Variants in KCNU1 observed in about 807,000 individuals in gnomAD.
The protein encoded by KCNU1 is potassium channel subfamily U member 1.
KCNU1 carries 93 observed loss-of-function variants against 126.8 expected under a neutral mutation model. That is an observed-to-expected ratio of 0.73 (90% CI 0.62 to 0.87). The LOEUF is 0.87. KCNU1 is among the 40% of genes least tolerant of loss of function. The probability of loss-of-function intolerance (pLI) is 0.00; values close to 1 mark genes in which losing one functional copy is unlikely to be tolerated. For synonymous variants in KCNU1, 523 were observed against 494.2 expected, an observed-to-expected ratio of 1.06 and a Z score of -0.77; for missense variants, 1,330 against 1,367.1, an observed-to-expected ratio of 0.97 and a Z score of 0.43.
chr8:36,889,661 A>G (rs1806877052), intron 19 of KCNU1, among the ~76,000 whole-genome samples: 1 of 152,160 alleles, frequency 6.6e-6, no homozygotes, highest in South Asian at 2.1e-4. Context: ...GAATATATGC[A>G]TAACTGGAAT....
intron 19 of KCNU1, among the ~76,000 whole-genome samples, chr8:36,878,816 G>A (rs1806363405): frequency 1.4e-5 from 2 of 147,384 alleles, no homozygotes; most frequent in Non-Finnish European, 3.0e-5. Flanking sequence ...CTAATTGATA[G>A]GATAATGCTG....
intron 1 of KCNU1, among the ~76,000 whole-genome samples, chr8:36,784,857 T>C (rs1223390563): frequency 6.6e-6 from 1 of 152,198 alleles, no homozygotes; most frequent in Admixed American, 6.5e-5. Context: ...TGATTAATGT[T>C]AGCTCTGGAA....
At chr8:36,839,480 C>A (rs527748383) in intron 14 of KCNU1, among the ~76,000 whole-genome samples, 1 of 152,248 alleles carries the variant, frequency 6.6e-6, no homozygotes, top group South Asian at 2.1e-4. Context: ...CATGAGAGGA[C>A]TTTAAGAAAG....
intron 12 of KCNU1, 105 bp downstream of exon 12, chr8:36,834,973 T>G (rs1391000128): frequency 2.2e-5 from 16 of 720,950 alleles, no homozygotes; most frequent in Non-Finnish European, 3.3e-5. Context: ...GTCTATCATA[T>G]CACTAGGTTC....
intron 2 of KCNU1, among the ~76,000 whole-genome samples, chr8:36,803,764 G>GC (rs1378151016): frequency 6.6e-6 from 1 of 151,536 alleles, no homozygotes; most frequent in Non-Finnish European, 1.5e-5. Flanking sequence ...AGGACAAACT[G>GC]TGTATTCTGA....
rs112565566 is a variant in KCNU1 at position 36,829,800 on chromosome 8, T to A, written c.1107-3754T>A. Among the ~76,000 whole-genome samples the A allele has an allele frequency of 2.1e-3, 317 of 151,360 alleles. 3 individuals are homozygous for A. Among genetic ancestry groups the A allele is most frequent in the African/African-American group, 7.3e-3 (302 of 41,490 alleles). ...GTTCTCCTTTAGTACCCCTGAATAA[T>A]GTGGTATAATTTCCCAGGTAGAGAG... On this transcript the variant is annotated intron_variant, in intron 10 of 26. Coordinates refer to ENST00000399881, the MANE Select transcript of KCNU1 (RefSeq NM_001031836.3).
chr8:36,873,850 G>C (rs1806190102), intron 19 of KCNU1, among the ~76,000 whole-genome samples: 1 of 152,152 alleles, frequency 6.6e-6, no homozygotes, highest in Non-Finnish European at 1.5e-5. Flanking sequence ...GTGCTGACTT[G>C]TTAATATAAG....
At chr8:36,891,844 C>A (rs961423111) in intron 19 of KCNU1, among the ~76,000 whole-genome samples, 1 of 151,936 alleles carries the variant, frequency 6.6e-6, no homozygotes, top group African/African-American at 2.4e-5. Context: ...ATTAAGGATC[C>A]CTTGTAGATG....
At chr8:36,859,733 G>A (rs1189751660) in intron 18 of KCNU1, among the ~76,000 whole-genome samples, 1 of 152,134 alleles carries the variant, frequency 6.6e-6, no homozygotes, top group Non-Finnish European at 1.5e-5. Flanking sequence ...TTAAGAACAT[G>A]AATTCTGGAT....
intron 2 of KCNU1, among the ~76,000 whole-genome samples, chr8:36,798,792 T>A (rs1354536889): frequency 6.6e-6 from 1 of 152,212 alleles, no homozygotes. Context: ...CTTAAATGTA[T>A]TTGATTGCTG....
intron 22 of KCNU1, among the ~76,000 whole-genome samples, chr8:36,914,298 C>T (rs764999258): frequency 7.2e-5 from 11 of 152,186 alleles, no homozygotes; most frequent in Non-Finnish European, 1.5e-4. Context: ...CTGAGGTCAC[C>T]TTATGATGGC....
At position 36,836,939 on chromosome 8, in the gene KCNU1, CA is replaced by C. The variant is rs749283606; in HGVS notation, c.1517del (p.Lys506ArgfsTer13). ...TAACATCTCTATTTGTGGAGCAAAA[CA>C]AAAAGGTAACCTTGTAAATTACTGT... is the stretch of plus-strand genomic sequence containing the variant. ...FLTSLFVEQN[K>X]KVMPKQTWKK... On this transcript the variant is annotated frameshift_variant, in exon 14 of 27. Coordinates refer to ENST00000399881, the MANE Select transcript of KCNU1 (RefSeq NM_001031836.3). LOFTEE classifies it high-confidence loss of function. 1.3e-5 allele frequency: 21 copies of C among 1,613,270 alleles called. No individual in the cohort carries two copies. Among genetic ancestry groups the C allele is most frequent in the Non-Finnish European group, 1.8e-5 (21 of 1,179,546 alleles).
chr8:36,851,077 C>T (rs1805325530), intron 18 of KCNU1, among the ~76,000 whole-genome samples: 4 of 152,100 alleles, frequency 2.6e-5, no homozygotes, highest in Admixed American at 2.6e-4. Context: ...TCTGCATTTC[C>T]ATGTGGGTCA....
At chr8:36,822,742 A>G (rs1269614474) in intron 10 of KCNU1, among the ~76,000 whole-genome samples, 1 of 152,178 alleles carries the variant, frequency 6.6e-6, no homozygotes, top group Non-Finnish European at 1.5e-5. Flanking sequence ...CAGCTCTTAA[A>G]ACCACCAAAA....
chr8:36,881,532 C>T (rs934679241), intron 19 of KCNU1, among the ~76,000 whole-genome samples: 1 of 152,058 alleles, frequency 6.6e-6, no homozygotes, highest in Admixed American at 6.6e-5. Flanking sequence ...GCCAAGCCAA[C>T]CAACTTTTTA....
chr8:36,925,312 G>T (rs1808497111), intron 24 of KCNU1, among the ~76,000 whole-genome samples: 1 of 152,278 alleles, frequency 6.6e-6, no homozygotes, highest in African/African-American at 2.4e-5. Context: ...TTGCTCAACT[G>T]AATTTGGGCA....
intron 9 of KCNU1, 55 bp from the exon 10 acceptor site, chr8:36,817,595 C>T: frequency 1.2e-6 from 1 of 815,944 alleles, no homozygotes; most frequent in Non-Finnish European, 2.1e-6. Flanking sequence ...TAAATGCTGA[C>T]AGGAAGGTGC....
chr8:36,909,505 C>T lies in KCNU1; in HGVS notation c.2301C>T (p.Leu767=), dbSNP rs772878895. 1 of 1,610,648 alleles carries T rather than the reference C, an allele frequency of 6.2e-7. No homozygotes were observed. The highest frequency in any genetic ancestry group is 1.1e-5 in the South Asian group (1 of 90,986). The stretch of plus-strand genomic sequence containing the variant: ...ATCTACAGAGAGAATGGCGATTTCT[C>T]TGGAATTTTCCCCAGATATACATTC... The part of the protein sequence containing the change: ...LDYLQREWRF[L]WNFPQIYILP... The change falls in exon 21 of 27, where the codon CTC becomes CTT. Residue 767 remains leucine, a synonymous_variant. Transcript: ENST00000399881.
intron 10 of KCNU1, among the ~76,000 whole-genome samples, chr8:36,822,942 C>A (rs1000859918): frequency 6.6e-6 from 1 of 152,144 alleles, no homozygotes; most frequent in Non-Finnish European, 1.5e-5. Context: ...AAGGTGAGAA[C>A]TTTCTAGGTT....
Sources: allele counts gnomAD v4.1 joint callset (sites outside exome capture counted in the v4.1 genomes callset), GRCh38; gene constraint gnomAD v4.1.1; transcripts MANE v1.5; gene names NCBI Gene and HGNC (gene_info 2026-07-23, HGNC 2026-07-21).